KIAA0825: variants seen among roughly 807,000 people sequenced by gnomAD.
KIAA0825 encodes the protein KIAA0825, also known as uncharacterized protein KIAA0825.
A neutral mutation model predicts 147.6 loss-of-function variants in KIAA0825; 119 were observed. That is an observed-to-expected ratio of 0.81 (90% CI 0.69 to 0.94). The LOEUF is 0.94. Ranked by LOEUF, KIAA0825 falls within the 40% of genes least tolerant of loss-of-function variation. KIAA0825 has a pLI of 0.00. For synonymous variants in KIAA0825, 470 were observed against 518.1 expected (o/e 0.91, Z 1.26); for missense variants, 1,381 against 1,472.7 (o/e 0.94, Z 1.02).
intron 20 of KIAA0825, among the ~76,000 whole-genome samples, chr5:94,347,397 C>T (rs1411785865): frequency 6.6e-6 from 1 of 152,214 alleles, no homozygotes; most frequent in Admixed American, 6.5e-5. Context: ...TCACGGAGTT[C>T]ATTGCACCCC....
At chr5:94,365,376 G>A (rs992682828) in intron 20 of KIAA0825, among the ~76,000 whole-genome samples, 6 of 152,102 alleles carry the variant, frequency 3.9e-5, no homozygotes, top group South Asian at 2.1e-4. Context: ...TCCTGGCCAC[G>A]AAATGATAAA....
intron 20 of KIAA0825, among the ~76,000 whole-genome samples, chr5:94,283,551 T>A (rs919419796): frequency 5.3e-5 from 8 of 152,178 alleles, no homozygotes; most frequent in East Asian, 1.9e-4. Context: ...TTAAATACTT[T>A]AAAAAATCCC....
intron 20 of KIAA0825, among the ~76,000 whole-genome samples, chr5:94,269,568 G>C (rs1436502171): frequency 6.6e-6 from 1 of 151,908 alleles, no homozygotes; most frequent in Non-Finnish European, 1.5e-5. Flanking sequence ...GGGACCAGTG[G>C]GTCAATGAAG....
At chr5:94,456,653 G>A (rs924510639) in intron 12 of KIAA0825, among the ~76,000 whole-genome samples, 1 of 152,144 alleles carries the variant, frequency 6.6e-6, no homozygotes, top group Non-Finnish European at 1.5e-5. Flanking sequence ...TTTGTAAAAT[G>A]GGAATTAAAA....
chr5:94,349,553 A>G (rs1290276774), intron 20 of KIAA0825, among the ~76,000 whole-genome samples: 1 of 152,232 alleles, frequency 6.6e-6, no homozygotes, highest in African/African-American at 2.4e-5. Context: ...GCCTCAATAA[A>G]TTTAAGAAAA....
chr5:94,168,679 A>G (rs1768297657), intron 20 of KIAA0825, among the ~76,000 whole-genome samples: 1 of 152,226 alleles, frequency 6.6e-6, no homozygotes, highest in African/African-American at 2.4e-5. Context: ...GGCCAAGGTC[A>G]TACTATTTGT....
chr5:94,252,468 G>T (rs61125341), intron 20 of KIAA0825, among the ~76,000 whole-genome samples: 8,823 of 150,554 alleles, frequency 0.059, 340 homozygotes, highest in African/African-American at 0.097. Flanking sequence ...TATATATATA[G>T]AGAGAGAGAG....
chr5:94,497,566 AAAAC>A (rs1441000625), intron 5 of KIAA0825, among the ~76,000 whole-genome samples: 2 of 152,350 alleles, frequency 1.3e-5, no homozygotes, highest in African/African-American at 4.8e-5. Flanking sequence ...GCCCCAAAGT[AAAAC>A]AAACAAACAA....
At chr5:94,522,299 C>G (rs918474802) in intron 4 of KIAA0825, among the ~76,000 whole-genome samples, 1 of 151,622 alleles carries the variant, frequency 6.6e-6, no homozygotes, top group Non-Finnish European at 1.5e-5. Context: ...TAGCTTCTTT[C>G]TCTCTCCTCT....
chr5:94,386,512 C>T lies in KIAA0825; in HGVS notation c.3457-108G>A, dbSNP rs776191077. 8.3e-6 allele frequency: 7 copies of T among 845,594 alleles called. No individual in the cohort carries two copies. The Admixed American group carries it at 1.9e-4, about 22-fold the overall frequency. The allele number at this position is 845,594 out of a possible 1,614,324, so 52.4% of individuals were successfully genotyped here. A position where few individuals can be genotyped will look rare whatever the true frequency, so the allele number is the denominator to read the frequency against. On this transcript the variant is annotated intron_variant, in intron 18 of 20. Transcript: ENST00000682413. ...TCCTTTCAGCACATTTGCTAGATTA[C>T]AGTGTATTACTTGCCTCAGGGAAGA...
intron 5 of KIAA0825, among the ~76,000 whole-genome samples, chr5:94,504,238 T>C (rs541360587): frequency 9.0e-4 from 137 of 152,268 alleles, no homozygotes; most frequent in Non-Finnish European, 1.7e-3. Flanking sequence ...CTTAGCCTTA[T>C]ACTAAATTAT....
intron 20 of KIAA0825, among the ~76,000 whole-genome samples, chr5:94,215,985 AG>A (rs1773157399): frequency 6.6e-6 from 1 of 152,120 alleles, no homozygotes; most frequent in Non-Finnish European, 1.5e-5. Context: ...TGTTCATACT[AG>A]TACTTATTAT....
chr5:94,439,295 G>A (rs1756767838), intron 14 of KIAA0825, among the ~76,000 whole-genome samples: 1 of 152,148 alleles, frequency 6.6e-6, no homozygotes, highest in Non-Finnish European at 1.5e-5. Flanking sequence ...TACGTAATAG[G>A]AGAGATGCAC....
intron 20 of KIAA0825, among the ~76,000 whole-genome samples, chr5:94,360,492 C>T (rs1744915834): frequency 6.6e-6 from 1 of 152,100 alleles, no homozygotes; most frequent in Non-Finnish European, 1.5e-5. Context: ...TACAGGTCAT[C>T]AAGACCTTGC....
intron 17 of KIAA0825, 92 bp from the exon 18 acceptor site, chr5:94,391,786 A>G: frequency 9.1e-7 from 1 of 1,093,382 alleles, no homozygotes; most frequent in East Asian, 2.7e-5. Context: ...GTTGATGTAA[A>G]TCTCAGATTC....
intron 20 of KIAA0825, among the ~76,000 whole-genome samples, chr5:94,331,621 G>T (rs1781278123): frequency 2.0e-5 from 3 of 152,060 alleles, no homozygotes; most frequent in Admixed American, 2.0e-4. Flanking sequence ...GCTACATGCA[G>T]GTATCTTTCA....
intron 19 of KIAA0825, 139 bp from the exon 20 acceptor site, chr5:94,384,597 A>G (rs1584331432): frequency 3.4e-6 from 2 of 590,510 alleles, no homozygotes; most frequent in Middle Eastern, 3.6e-4. Flanking sequence ...GATAACATCA[A>G]TCATGTCCAC....
At chr5:94,254,470 G>A (rs1453407971) in intron 20 of KIAA0825, among the ~76,000 whole-genome samples, 1 of 152,120 alleles carries the variant, frequency 6.6e-6, no homozygotes, top group Non-Finnish European at 1.5e-5. Flanking sequence ...ACGGATTAGT[G>A]TAAATCCACC....
In KIAA0825 at chr5:94,151,816, G is replaced by A. The variant is rs946429035; in HGVS notation, c.*2191C>T. Among the ~76,000 whole-genome samples the A allele has an allele frequency of 2.0e-5, 3 of 152,172 alleles. No individual in the cohort carries two copies. Among genetic ancestry groups the A allele is most frequent in the African/African-American group, 2.4e-5 (1 of 41,436 alleles). ...AAATCCTGTAATTTTATAAGATGTT[G>A]TATCTAGTTTATTGGATTAATTTAT... On this transcript the variant is annotated 3_prime_UTR_variant, in exon 21 of 21. Coordinates refer to ENST00000682413, the MANE Select transcript of KIAA0825 (RefSeq NM_001145678.3).
Sources: allele counts gnomAD v4.1 joint callset (sites outside exome capture counted in the v4.1 genomes callset), GRCh38; gene constraint gnomAD v4.1.1; transcripts MANE v1.5; gene names NCBI Gene and HGNC (gene_info 2026-07-23, HGNC 2026-07-21).